The following CPVL variants were observed in gnomAD, a reference collection of about 807,000 sequenced individuals.
CPVL encodes carboxypeptidase vitellogenic like.
In CPVL, 51 loss-of-function variants were observed where a neutral mutation model predicts 63.7. The ratio of observed to expected loss-of-function variants is 0.80; its 90% CI spans 0.64 to 1.01. CPVL has a LOEUF of 1.01. CPVL is among the 50% of genes least tolerant of loss of function. The pLI is 0.00. For missense variants in CPVL, 530 were observed against 573.1 expected, an observed-to-expected ratio of 0.92 and a Z score of 0.77; for synonymous variants, 195 against 206.0, an observed-to-expected ratio of 0.95 and a Z score of 0.46.
At chr7:29,119,788 G>A (rs1317939054) in intron 2 of CPVL, among the ~76,000 whole-genome samples, 6 of 152,144 alleles carry the variant, frequency 3.9e-5, no homozygotes, top group Non-Finnish European at 7.3e-5. Context: ...ACAGCAGGGA[G>A]GCTGCAGTGA....
At chr7:29,122,282 G>A (rs1188655000) in intron 1 of CPVL, 3 of 152,208 alleles carry the variant, frequency 2.0e-5, no homozygotes, top group African/African-American at 7.2e-5. Flanking sequence ...ACGGGCCAGT[G>A]GGAATTTATA....
intron 4 of CPVL, among the ~76,000 whole-genome samples, chr7:29,181,862 G>C (rs190912842): frequency 4.9e-4 from 74 of 152,108 alleles, no homozygotes; most frequent in Non-Finnish European, 7.1e-4. Context: ...AATTCCTAAG[G>C]GGGGGAAAAG....
At chr7:29,094,522 T>C (rs1786198014) in intron 5 of CPVL, among the ~76,000 whole-genome samples, 1 of 152,086 alleles carries the variant, frequency 6.6e-6, no homozygotes, top group Non-Finnish European at 1.5e-5. Flanking sequence ...GGTTACCTAA[T>C]TCAGTGAACA....
At chr7:29,097,116 C>A (rs1233993205) in intron 3 of CPVL, among the ~76,000 whole-genome samples, 1 of 151,880 alleles carries the variant, frequency 6.6e-6, no homozygotes, top group African/African-American at 2.4e-5. Context: ...AACGACAAAA[C>A]CCTGAACAAG....
chr7:29,022,778 G>A (rs560920821), intron 12 of CPVL, among the ~76,000 whole-genome samples: 1 of 152,316 alleles, frequency 6.6e-6, no homozygotes, highest in African/African-American at 2.4e-5. Context: ...AGTGCCTGTG[G>A]GCATTGTCCA....
intron 1 of CPVL, among the ~76,000 whole-genome samples, chr7:29,132,944 C>T (rs1327017950): frequency 6.6e-6 from 1 of 152,176 alleles, no homozygotes; most frequent in East Asian, 1.9e-4. Context: ...CTGGCTTGCT[C>T]ACACCAACCC....
At chr7:29,159,395 A>C (rs1480581260) in intron 5 of CPVL, among the ~76,000 whole-genome samples, 1 of 152,212 alleles carries the variant, frequency 6.6e-6, no homozygotes, top group African/African-American at 2.4e-5. Flanking sequence ...GAATTATTCT[A>C]TACCAGAATA....
intron 5 of CPVL, among the ~76,000 whole-genome samples, chr7:29,169,937 C>T (rs891016722): frequency 6.6e-6 from 1 of 151,626 alleles, no homozygotes; most frequent in Non-Finnish European, 1.5e-5. Flanking sequence ...GGTGCAGTGG[C>T]GCCATCATAG....
At chr7:29,023,162 A>C (rs1787175835) in intron 12 of CPVL, among the ~76,000 whole-genome samples, 1 of 152,242 alleles carries the variant, frequency 6.6e-6, no homozygotes, top group Non-Finnish European at 1.5e-5. Context: ...CACTTTAGCA[A>C]GTCACCTGGA....
chr7:29,121,653 G>A (rs913961169), intron 1 of CPVL, among the ~76,000 whole-genome samples: 1 of 152,170 alleles, frequency 6.6e-6, no homozygotes, highest in Non-Finnish European at 1.5e-5. Context: ...TGGATAAAAG[G>A]TGAATGGTTC....
At chr7:29,112,502 C>T (rs543835710) in intron 3 of CPVL, among the ~76,000 whole-genome samples, 1 of 152,282 alleles carries the variant, frequency 6.6e-6, no homozygotes, top group South Asian at 2.1e-4. Context: ...ACACTTCCCA[C>T]TCCCGCAGAA....
At chr7:29,032,118 G>C (rs1788079003) in intron 11 of CPVL, among the ~76,000 whole-genome samples, 2 of 152,112 alleles carry the variant, frequency 1.3e-5, no homozygotes, top group African/African-American at 4.8e-5. Flanking sequence ...TGAAGGCTCT[G>C]ATTTGGCCCG....
chr7:29,185,988 T>C (rs1322487461), intron 2 of CPVL, among the ~76,000 whole-genome samples: 1 of 152,170 alleles, frequency 6.6e-6, no homozygotes, highest in African/African-American at 2.4e-5. Context: ...CCAGAGGTGA[T>C]CAAATTATGG....
chr7:29,043,155 C>T (rs1789285153), intron 11 of CPVL, among the ~76,000 whole-genome samples: 1 of 152,066 alleles, frequency 6.6e-6, no homozygotes, highest in African/African-American at 2.4e-5. Flanking sequence ...TGGTAGATAG[C>T]AAAGTTAGTG....
At chr7:29,001,910 A>G (rs1416351414) in intron 12 of CPVL, among the ~76,000 whole-genome samples, 6 of 152,230 alleles carry the variant, frequency 3.9e-5, no homozygotes, top group Non-Finnish European at 8.8e-5. Flanking sequence ...AGCATGTACC[A>G]AACCAATCTT....
chr7:29,055,395 G>A (rs1438502907), intron 11 of CPVL, among the ~76,000 whole-genome samples: 7 of 151,842 alleles, frequency 4.6e-5, no homozygotes, highest in East Asian at 1.9e-4. Context: ...GATTACAGGC[G>A]CCCGCCACCA....
In CPVL at chr7:29,042,740, A is replaced by G. The variant is rs1367710841; in HGVS notation, c.1138-11981T>C. 3.3e-5 allele frequency among the ~76,000 whole-genome samples: 5 copies of G among 152,382 alleles called. No homozygotes were observed. In the East Asian group the frequency reaches 9.6e-4, roughly 29 times the overall value. ...GCTCCCTTTCACTAATGGGAAGGAA[A>G]TGATCCTTCCCAGCTAAAGTGGTCC... On this transcript the variant is annotated intron_variant, in intron 11 of 12. Coordinates refer to ENST00000265394, the MANE Select transcript of CPVL (RefSeq NM_031311.5).
chr7:29,146,726 A>G, upstream of CPVL: 2 of 1,550,562 alleles, frequency 1.3e-6, no homozygotes, highest in Non-Finnish European at 1.7e-6. Context: ...AATGAAGAGC[A>G]TCGGCGGGGT....
chr7:29,022,633 C>T (rs540699273), intron 12 of CPVL, among the ~76,000 whole-genome samples: 54 of 152,272 alleles, frequency 3.5e-4, no homozygotes, highest in South Asian at 3.1e-3. Flanking sequence ...ACAATGGGCC[C>T]GCACAGGTTG....
Sources: allele counts gnomAD v4.1 joint callset (sites outside exome capture counted in the v4.1 genomes callset), GRCh38; gene constraint gnomAD v4.1.1; transcripts MANE v1.5; gene names NCBI Gene and HGNC (gene_info 2026-07-23, HGNC 2026-07-21).